The following PRELID2 variants were observed in gnomAD, a reference collection of about 807,000 sequenced individuals.
PRELID2 encodes the protein PRELI domain-containing protein 2.
In PRELID2, 25 loss-of-function variants were observed where a neutral mutation model predicts 28.4. That is an observed-to-expected ratio of 0.88 (90% CI 0.64 to 1.23). The LOEUF (loss-of-function observed/expected upper bound fraction) is 1.23, where lower values mean the gene tolerates loss of function less well. Among genes scored for constraint, PRELID2 ranks in the 50% most tolerant of loss-of-function variants. The pLI, the probability that PRELID2 is intolerant of heterozygous loss-of-function variation, is 0.00. For missense variants in PRELID2, 201 were observed against 214.4 expected, an observed-to-expected ratio of 0.94 and a Z score of 0.39; for synonymous variants, 76 against 71.6, an observed-to-expected ratio of 1.06 and a Z score of -0.31.
intron 1 of PRELID2, among the ~76,000 whole-genome samples, chr5:145,624,286 A>G (rs953554566): frequency 1.1e-4 from 16 of 152,134 alleles, no homozygotes; most frequent in Non-Finnish European, 2.4e-4. Context: ...TGATTAAGCT[A>G]TTGGCTATGG....
chr5:145,666,278 G>T (rs1231731154), intron 1 of PRELID2, among the ~76,000 whole-genome samples: 1 of 151,972 alleles, frequency 6.6e-6, no homozygotes, highest in South Asian at 2.1e-4. Flanking sequence ...TGGATTATTT[G>T]CCCACCCTTG....
At chr5:145,754,643 A>C (rs758150691), downstream of PRELID2, among the ~76,000 whole-genome samples, 2 of 152,176 alleles carry the variant, frequency 1.3e-5, no homozygotes, top group African/African-American at 2.4e-5. Flanking sequence ...GAACAACATA[A>C]ATTTTGCTAA....
chr5:145,619,971 T>C (rs1052950824), intron 1 of PRELID2, among the ~76,000 whole-genome samples: 1 of 152,242 alleles, frequency 6.6e-6, no homozygotes, highest in South Asian at 2.1e-4. Context: ...CAAGTATTGA[T>C]GGAATGAGAA....
At chr5:145,232,137 C>A in the PRELID2 span, among the ~76,000 whole-genome samples, 1 of 152,100 alleles carries the variant, frequency 6.6e-6, no homozygotes. Context: ...TGCTGAGTGA[C>A]GCCTTAGTGA....
At chr5:145,345,376 C>A in the PRELID2 span, among the ~76,000 whole-genome samples, 1 of 151,744 alleles carries the variant, frequency 6.6e-6, no homozygotes, top group East Asian at 1.9e-4. Flanking sequence ...GGACCTGATG[C>A]CTTGACACAA....
At chr5:145,409,685 G>T in the PRELID2 span, among the ~76,000 whole-genome samples, 2 of 151,510 alleles carry the variant, frequency 1.3e-5, no homozygotes, top group South Asian at 4.2e-4. Context: ...AGGGCAAGGC[G>T]GGTGGAACAC....
intron 1 of PRELID2, among the ~76,000 whole-genome samples, chr5:145,526,512 G>A (rs1463338850): frequency 6.6e-6 from 1 of 152,180 alleles, no homozygotes; most frequent in African/African-American, 2.4e-5. Flanking sequence ...GAAGAGCCCA[G>A]TATGGCAGGC....
At chr5:145,484,854 CT>C (rs886963131) in intron 1 of PRELID2, among the ~76,000 whole-genome samples, 1 of 152,146 alleles carries the variant, frequency 6.6e-6, no homozygotes, top group Non-Finnish European at 1.5e-5. Flanking sequence ...TAATGAGCAT[CT>C]TTATGTTCAT....
intron 1 of PRELID2, among the ~76,000 whole-genome samples, chr5:145,524,416 G>T (rs1023571235): frequency 6.6e-6 from 1 of 152,182 alleles, no homozygotes; most frequent in Non-Finnish European, 1.5e-5. Flanking sequence ...GAGGCCTCAA[G>T]AGGATGGCCC....
intron 1 of PRELID2, among the ~76,000 whole-genome samples, chr5:145,716,020 TAA>T (rs1188665997): frequency 6.6e-6 from 1 of 152,230 alleles, no homozygotes; most frequent in African/African-American, 2.4e-5. Flanking sequence ...CCCAAATTTG[TAA>T]ACTTTCTTAA....
At chr5:145,408,170 C>A in the PRELID2 span, among the ~76,000 whole-genome samples, 2 of 152,062 alleles carry the variant, frequency 1.3e-5, no homozygotes, top group Non-Finnish European at 2.9e-5. Flanking sequence ...AGGTTTAGAT[C>A]TTTCCACTGA....
chr5:145,771,200 C>T (rs1758081650), intron 5 of PRELID2, among the ~76,000 whole-genome samples: 1 of 151,966 alleles, frequency 6.6e-6, no homozygotes, highest in African/African-American at 2.4e-5. Flanking sequence ...AAATAGTTAT[C>T]ATTGTGTTAC....
intron 3 of PRELID2, chr5:145,819,591 G>A (rs1581268939): frequency 5.2e-6 from 3 of 581,550 alleles, no homozygotes; most frequent in Non-Finnish European, 6.0e-6. Flanking sequence ...TTAAAGATGA[G>A]ACTAAATATT....
At chr5:145,431,520 T>C in the PRELID2 span, among the ~76,000 whole-genome samples, 1 of 152,180 alleles carries the variant, frequency 6.6e-6, no homozygotes, top group African/African-American at 2.4e-5. Flanking sequence ...ACCTTAATCA[T>C]GTGATCAAAG....
intron 1 of PRELID2, among the ~76,000 whole-genome samples, chr5:145,587,627 C>T (rs909365378): frequency 1.3e-5 from 2 of 152,132 alleles, no homozygotes; most frequent in Admixed American, 1.3e-4. Context: ...TTTGAGAAAG[C>T]ATAATACTTC....
intron 1 of PRELID2, among the ~76,000 whole-genome samples, chr5:145,677,055 C>A (rs963365458): frequency 6.7e-6 from 1 of 150,350 alleles, no homozygotes; most frequent in Non-Finnish European, 1.5e-5. Context: ...AATTTTAACA[C>A]GGTGTAATAT....
the PRELID2 span, among the ~76,000 whole-genome samples, chr5:145,232,274 T>G: frequency 1.3e-5 from 2 of 152,174 alleles, no homozygotes; most frequent in African/African-American, 4.8e-5. Flanking sequence ...CATTCTCTTA[T>G]TCATTTCTCA....
chr5:145,801,886 A>G (rs1016351427), intron 4 of PRELID2, among the ~76,000 whole-genome samples: 2 of 152,108 alleles, frequency 1.3e-5, no homozygotes, highest in Non-Finnish European at 2.9e-5. Flanking sequence ...AATCCATGTT[A>G]CTCTCTTCCT....
the PRELID2 span, among the ~76,000 whole-genome samples, chr5:145,336,117 G>T: frequency 6.6e-5 from 10 of 152,250 alleles, no homozygotes; most frequent in African/African-American, 2.4e-4. Flanking sequence ...TTCTGATGGG[G>T]TTGTTTGTTT....
Sources: gnomAD v4.1 joint callset for allele counts (sites outside exome capture counted in the v4.1 genomes callset) on GRCh38, gnomAD v4.1.1 for gene constraint, MANE v1.5 for transcripts, NCBI Gene and HGNC (gene_info 2026-07-23, HGNC 2026-07-21) for gene names.